RBFOX1: variants seen among roughly 807,000 people sequenced by gnomAD.
The protein encoded by RBFOX1 is RNA binding fox-1 homolog 1, also known as RNA binding protein fox-1 homolog 1.
In RBFOX1, 8 loss-of-function variants were observed where a neutral mutation model predicts 57.7. The observed-to-expected ratio is 0.14, with a 90% confidence interval of 0.08 to 0.25. RBFOX1 has a LOEUF of 0.25. Ranked by LOEUF, RBFOX1 falls within the 10% of genes least tolerant of loss-of-function variation. The pLI is 1.00. For missense variants in RBFOX1, 611 were observed against 548.5 expected (o/e 1.11, Z -1.14); for synonymous variants, 326 against 222.4 (o/e 1.47, Z -4.15).
At chr16:5,369,420 G>A (rs762459537) in intron 1 of RBFOX1, among the ~76,000 whole-genome samples, 7 of 152,342 alleles carry the variant, frequency 4.6e-5, no homozygotes, top group South Asian at 2.1e-4. Context: ...AGACATAGTC[G>A]TCTCCCAGTC....
chr16:5,454,954 C>CCTTT (rs1491243297), intron 1 of RBFOX1, among the ~76,000 whole-genome samples: 1 of 40,414 alleles, frequency 2.5e-5, no homozygotes, highest in African/African-American at 1.0e-4. Context: ...TTCCTTCCTT[C>CCTTT]CTTCCTTTCT....
intron 4 of RBFOX1, among the ~76,000 whole-genome samples, chr16:6,004,135 C>T (rs1389466817): frequency 2.0e-5 from 3 of 152,144 alleles, no homozygotes; most frequent in Admixed American, 2.0e-4. Flanking sequence ...CACCATAGCA[C>T]ACGTTTGCCT....
At chr16:6,661,386 A>T (rs1026026441) in intron 3 of RBFOX1, among the ~76,000 whole-genome samples, 3 of 152,186 alleles carry the variant, frequency 2.0e-5, no homozygotes, top group African/African-American at 4.8e-5. Context: ...TGGCGAATGC[A>T]AGTCCAGTGT....
At chr16:7,473,387 CAT>C (rs985603315) in intron 4 of RBFOX1, among the ~76,000 whole-genome samples, 2 of 147,428 alleles carry the variant, frequency 1.4e-5, no homozygotes, top group South Asian at 4.2e-4. Flanking sequence ...CTCATATATA[CAT>C]ATATATATAT....
At chr16:6,227,254 C>T (rs980611935) in intron 1 of RBFOX1, among the ~76,000 whole-genome samples, 2 of 152,210 alleles carry the variant, frequency 1.3e-5, no homozygotes, top group African/African-American at 4.8e-5. Flanking sequence ...TCTTAAAACG[C>T]ACCCTCAGAG....
intron 4 of RBFOX1, among the ~76,000 whole-genome samples, chr16:7,180,254 A>C (rs1225472729): frequency 1.3e-5 from 2 of 152,196 alleles, no homozygotes; most frequent in Non-Finnish European, 2.9e-5. Context: ...TTTTACATAT[A>C]TTAACTCTTT....
chr16:5,678,274 T>C (rs1362962471), intron 3 of RBFOX1, among the ~76,000 whole-genome samples: 2 of 152,168 alleles, frequency 1.3e-5, no homozygotes, highest in African/African-American at 4.8e-5. Context: ...AAGAGGGCAG[T>C]GCAGTCTGAA....
At chr16:7,076,046 TTTTTC>T (rs1291566482) in intron 4 of RBFOX1, among the ~76,000 whole-genome samples, 1 of 151,142 alleles carries the variant, frequency 6.6e-6, no homozygotes, top group African/African-American at 2.4e-5. Flanking sequence ...GCTTTTTTTT[TTTTTC>T]TTTTTTTTTC....
intron 1 of RBFOX1, among the ~76,000 whole-genome samples, chr16:6,091,741 G>T (rs1030536113): frequency 1.3e-5 from 2 of 152,182 alleles, no homozygotes; most frequent in African/African-American, 4.8e-5. Flanking sequence ...GAGGCTGGGA[G>T]AATTGCTTGA....
In RBFOX1 at chr16:6,812,960, G is replaced by A. The variant is rs866454080; in HGVS notation, c.-16+158310G>A. Among the ~76,000 whole-genome samples the A allele has an allele frequency of 3.9e-5, 6 of 152,088 alleles. No homozygotes were observed. The South Asian group carries it at 1.0e-3, about 26-fold the overall frequency. On this transcript the variant is annotated intron_variant, in intron 3 of 15. Coordinates refer to ENST00000550418, the MANE Select transcript of RBFOX1 (RefSeq NM_018723.4). The stretch of plus-strand genomic sequence containing the variant: ...GAGACTGGGAGAATAGGGAAGTAAA[G>A]GAAGATGTTTAAATTCCCTACTTCT...
At chr16:6,554,825 C>G (rs955228556) in intron 2 of RBFOX1, among the ~76,000 whole-genome samples, 1 of 146,718 alleles carries the variant, frequency 6.8e-6, no homozygotes, top group African/African-American at 2.7e-5. Flanking sequence ...GACACACAGA[C>G]ACACACAGAC....
chr16:6,313,607 T>G (rs963278157), intron 1 of RBFOX1, among the ~76,000 whole-genome samples: 5 of 152,300 alleles, frequency 3.3e-5, no homozygotes, highest in African/African-American at 1.2e-4. Context: ...AGTGCATAGG[T>G]GAAGGTAGCT....
chr16:5,898,897 TAA>T (rs80013964), intron 4 of RBFOX1, among the ~76,000 whole-genome samples: 47 of 138,450 alleles, frequency 3.4e-4, no homozygotes, highest in Admixed American at 5.1e-4. Flanking sequence ...CCATCTCTAT[TAA>T]AAAAAAAAAA....
rs1555463886 is a variant in RBFOX1, at chr16:6,417,707, T to TTAA, written c.-64+100650_-64+100651insTAA. On this transcript the variant is annotated intron_variant, in intron 2 of 15. Transcript: ENST00000550418. ...GTCTGGCCTTAAACTCCTTTCTTTT[T>TTAA]AAAAAAAAAAAAAATTAAGTTCAAG... 5.9e-3 allele frequency among the ~76,000 whole-genome samples: 858 copies of TTAA among 146,618 alleles called. 9 individuals carry two copies. The highest frequency in any genetic ancestry group is 0.018 in the African/African-American group (705 of 40,044).
At chr16:5,272,842 A>T (rs182577810) in intron 1 of RBFOX1, among the ~76,000 whole-genome samples, 94 of 152,290 alleles carry the variant, frequency 6.2e-4, no homozygotes, top group African/African-American at 1.9e-3. Flanking sequence ...CTTCTCTGCA[A>T]CGAATCCCAA....
chr16:7,075,046 G>T (rs2058051856), intron 4 of RBFOX1, among the ~76,000 whole-genome samples: 1 of 152,162 alleles, frequency 6.6e-6, no homozygotes, highest in South Asian at 2.1e-4. Flanking sequence ...ACTCCCCAAA[G>T]CGTAAAAGCA....
chr16:7,197,440 G>GAAAAAAAAAAAAAAAAAAAAAAAAAA (rs57893229), intron 4 of RBFOX1, among the ~76,000 whole-genome samples: 8 of 91,324 alleles, frequency 8.8e-5, no homozygotes, highest in Non-Finnish European at 8.4e-5. Flanking sequence ...CCTGTGAGTG[G>GAAAAAAAAAAAAAAAAAAAAAAAAAA]AAAAAAAAAA....
intron 1 of RBFOX1, among the ~76,000 whole-genome samples, chr16:6,086,910 GT>G (rs2096093776): frequency 6.6e-6 from 1 of 152,180 alleles, no homozygotes; most frequent in African/African-American, 2.4e-5. Context: ...GCTTTCTGCT[GT>G]TTAGAGAAAG....
intron 11 of RBFOX1, among the ~76,000 whole-genome samples, chr16:7,648,107 A>G (rs1327062038): frequency 1.3e-5 from 2 of 152,206 alleles, no homozygotes; most frequent in African/African-American, 4.8e-5. Context: ...GAAGTGTGGC[A>G]AACAGTTGTG....
Sources: gnomAD v4.1 joint callset for allele counts (sites outside exome capture counted in the v4.1 genomes callset) on GRCh38, gnomAD v4.1.1 for gene constraint, MANE v1.5 for transcripts, NCBI Gene and HGNC (gene_info 2026-07-23, HGNC 2026-07-21) for gene names.